Variants in INSL6 observed in about 807,000 individuals in gnomAD.
INSL6 encodes the protein insulin like 6, also known as insulin-like peptide INSL6.
INSL6 carries 16 observed loss-of-function variants against 9.4 expected under a neutral mutation model. That is an observed-to-expected ratio of 1.70 (90% CI 1.15 to 2.59). INSL6 has a LOEUF of 2.59. INSL6 is among the 30% of genes most tolerant of loss of function. INSL6 has a pLI of 0.00. For missense variants in INSL6, 391 were observed against 257.3 expected (o/e 1.52, Z -3.56); for synonymous variants, 154 against 96.9 (o/e 1.59, Z -3.46).
At chr9:5,006,177 T>C in the INSL6 span, among the ~76,000 whole-genome samples, 5 of 152,164 alleles carry the variant, frequency 3.3e-5, no homozygotes, top group African/African-American at 1.2e-4. Flanking sequence ...CATTGAGCAG[T>C]GGTTTGTAGT....
the INSL6 span, chr9:5,041,119 G>T: frequency 1.6e-5 from 14 of 867,940 alleles, no homozygotes; most frequent in Non-Finnish European, 2.6e-5. Context: ...TCACGCCCAA[G>T]ACGGTGCTCC....
the INSL6 span, among the ~76,000 whole-genome samples, chr9:5,016,844 C>A: frequency 6.6e-6 from 1 of 152,084 alleles, no homozygotes; most frequent in African/African-American, 2.4e-5. Context: ...CTTGAGAGGC[C>A]TCCATGGTCA....
chr9:5,097,836 C>G, the INSL6 span: 2 of 152,202 alleles, frequency 1.3e-5, no homozygotes, highest in African/African-American at 4.8e-5. Flanking sequence ...TCATAGGAGG[C>G]TTTACCACTG....
chr9:5,039,964 A>G, the INSL6 span, among the ~76,000 whole-genome samples: 1 of 152,222 alleles, frequency 6.6e-6, no homozygotes, highest in South Asian at 2.1e-4. Context: ...CAGGTTAATC[A>G]TAAATTTATA....
chr9:5,175,363 G>T (rs1455896918), intron 1 of INSL6, among the ~76,000 whole-genome samples: 1 of 151,992 alleles, frequency 6.6e-6, no homozygotes, highest in Non-Finnish European at 1.5e-5. Flanking sequence ...TCCCTAACAG[G>T]TCTCTCTGTT....
At chr9:5,050,743 G>A in the INSL6 span, 2 of 1,613,838 alleles carry the variant, frequency 1.2e-6, no homozygotes, top group Non-Finnish European at 1.7e-6. Flanking sequence ...TGAAACACAG[G>A]AAGAATGTCT....
At chr9:5,066,635 G>C in the INSL6 span, 16 of 1,045,738 alleles carry the variant, frequency 1.5e-5, no homozygotes, top group Admixed American at 2.6e-4. Flanking sequence ...ATAATATTAT[G>C]GTGCTTGATA....
At chr9:5,037,846 T>TA in the INSL6 span, among the ~76,000 whole-genome samples, 1 of 152,102 alleles carries the variant, frequency 6.6e-6, no homozygotes, top group African/African-American at 2.4e-5. Flanking sequence ...CCCTAAAACT[T>TA]AAAGTATAAT....
At chr9:5,047,488 T>C in the INSL6 span, among the ~76,000 whole-genome samples, 1 of 152,256 alleles carries the variant, frequency 6.6e-6, no homozygotes, top group Non-Finnish European at 1.5e-5. Flanking sequence ...CAACTTTTAA[T>C]TAATTCATAT....
At chr9:5,171,974 G>T (rs1825192173) in intron 1 of INSL6, among the ~76,000 whole-genome samples, 1 of 152,098 alleles carries the variant, frequency 6.6e-6, no homozygotes, top group Admixed American at 6.5e-5. Flanking sequence ...CACAGAACTA[G>T]AAGAAACTAT....
the INSL6 span, among the ~76,000 whole-genome samples, chr9:5,040,096 A>G: frequency 6.6e-6 from 1 of 152,234 alleles, no homozygotes; most frequent in African/African-American, 2.4e-5. Flanking sequence ...ATGTGATACT[A>G]AAGGATGAAT....
chr9:5,052,460 AG>A, the INSL6 span, among the ~76,000 whole-genome samples: 1 of 151,708 alleles, frequency 6.6e-6, no homozygotes, highest in African/African-American at 2.4e-5. Flanking sequence ...CATTCATATA[AG>A]ATTCCATGAT....
At chr9:5,153,906 T>C (rs973681011) in intron 2 of INSL6, among the ~76,000 whole-genome samples, 1 of 152,204 alleles carries the variant, frequency 6.6e-6, no homozygotes, top group Non-Finnish European at 1.5e-5. Context: ...CCCAAAGTAA[T>C]TTATAGATTC....
downstream of INSL6, among the ~76,000 whole-genome samples, chr9:5,162,048 T>C (rs1214839974): frequency 6.6e-6 from 1 of 151,800 alleles, no homozygotes; most frequent in African/African-American, 2.4e-5. Flanking sequence ...TACTGCATTC[T>C]AGCCTAGGCA....
At chr9:5,072,541 G>A in the INSL6 span, 18 of 1,608,098 alleles carry the variant, frequency 1.1e-5, no homozygotes, top group African/African-American at 8.0e-5. Flanking sequence ...AAAGGCGTAC[G>A]AAGAGAAGTA....
the INSL6 span, among the ~76,000 whole-genome samples, chr9:5,076,467 G>C: frequency 6.6e-6 from 1 of 152,050 alleles, no homozygotes; most frequent in African/African-American, 2.4e-5. Flanking sequence ...CTTTCTGAAG[G>C]CTCAGATTAT....
intron 1 of INSL6, among the ~76,000 whole-genome samples, chr9:5,172,287 C>G (rs539092935): frequency 1.6e-3 from 239 of 151,884 alleles, no homozygotes; most frequent in African/African-American, 5.6e-3. Context: ...GACCACTTCC[C>G]TACACCTTAT....
At chr9:5,000,855 C>T in the INSL6 span, among the ~76,000 whole-genome samples, 424 of 152,208 alleles carry the variant, frequency 2.8e-3, 1 homozygote, top group East Asian at 0.018. Context: ...AACTTGATAA[C>T]GTATTGGTTG....
At chr9:5,018,867 G>A in the INSL6 span, among the ~76,000 whole-genome samples, 2 of 152,124 alleles carry the variant, frequency 1.3e-5, no homozygotes, top group South Asian at 4.1e-4. Flanking sequence ...TGATTCTGCT[G>A]AGAAATCTGC....
Sources: gnomAD v4.1 joint callset for allele counts (sites outside exome capture counted in the v4.1 genomes callset) on GRCh38, gnomAD v4.1.1 for gene constraint, MANE v1.5 for transcripts, NCBI Gene and HGNC (gene_info 2026-07-23, HGNC 2026-07-21) for gene names.